The following PPP3CB variants were observed in gnomAD, a reference collection of about 807,000 sequenced individuals.
PPP3CB encodes serine/threonine-protein phosphatase 2B catalytic subunit beta isoform.
A neutral mutation model predicts 66.4 loss-of-function variants in PPP3CB; 8 were observed. The observed-to-expected ratio is 0.12, with a 90% CI of 0.07 to 0.22. The LOEUF (loss-of-function observed/expected upper bound fraction) is 0.22, where lower values mean the gene tolerates loss of function less well. Among genes scored for constraint, PPP3CB ranks in the 10% least tolerant of loss-of-function variants. The pLI, the probability that PPP3CB is intolerant of heterozygous loss-of-function variation, is 1.00. For missense variants in PPP3CB, 319 were observed against 642.5 expected (o/e 0.50, Z 5.44); for synonymous variants, 208 against 221.2 (o/e 0.94, Z 0.53).
chr10:73,472,887 C>T (rs2056726320), intron 4 of PPP3CB, among the ~76,000 whole-genome samples: 1 of 152,080 alleles, frequency 6.6e-6, no homozygotes, highest in African/African-American at 2.4e-5. Context: ...TTCATTTGCT[C>T]CTTTACAACT....
Position 73,483,105 on chromosome 10 carries a change from CTATAA to C in PPP3CB, c.86-3593_86-3589del, listed in dbSNP as rs1405794093. On this transcript the variant is annotated intron_variant, in intron 1 of 13. Transcript: ENST00000360663. ...CTCTACTTCAAGTCACACTGAAGAACTATAATGTATTCACCTGAAAAAGAAAGTAT... is the reference window on the plus strand; with the variant it reads ...CTCTACTTCAAGTCACACTGAAGAACTGTATTCACCTGAAAAAGAAAGTAT... Among the ~76,000 whole-genome samples the C allele has an allele frequency of 7.9e-5, 12 of 152,330 alleles. No homozygotes were observed. In the East Asian group the frequency reaches 1.9e-3, roughly 24 times the overall value.
At chr10:73,486,306 T>G (rs1011701381) in intron 1 of PPP3CB, among the ~76,000 whole-genome samples, 13 of 147,776 alleles carry the variant, frequency 8.8e-5, no homozygotes, top group Non-Finnish European at 1.3e-4. Context: ...TTTTTTTTTT[T>G]TTTTTTTTTT....
chr10:73,485,908 TTGTGTGTGTGTGTGTGTGTG>T (rs57190155), intron 1 of PPP3CB, among the ~76,000 whole-genome samples: 4 of 121,290 alleles, frequency 3.3e-5, no homozygotes, highest in Non-Finnish European at 5.0e-5. Context: ...ACCTGGCTAA[TTGTGTGTGTGTGTGTGTGTG>T]TGTGTGTGTG....
intron 1 of PPP3CB, among the ~76,000 whole-genome samples, chr10:73,492,010 ATCC>A (rs1463854671): frequency 6.6e-6 from 1 of 152,096 alleles, no homozygotes; most frequent in East Asian, 1.9e-4. Flanking sequence ...ACAAAAAGTA[ATCC>A]TCCTAAAGGA....
rs114227136 is a variant in PPP3CB at position 73,448,602 on chromosome 10, T to C, written c.1187-2029A>G. On this transcript the variant is annotated intron_variant, in intron 10 of 13. Coordinates refer to ENST00000360663, the MANE Select transcript of PPP3CB (RefSeq NM_021132.4). ...TACTCAATGAATGTGCTAACTTACA[T>C]GGACATGAAGATAACTTATGAAGTC... 693 of 532,186 alleles carry C rather than the reference T, an allele frequency of 1.3e-3. 5 individuals carry two copies. The highest frequency in any genetic ancestry group is 0.013 in the African/African-American group (661 of 52,080). 33.0% of individuals were successfully genotyped at this position (532,186 alleles called of 1,614,324 possible).
chr10:73,470,916 A>T lies in PPP3CB; in HGVS notation c.858T>A (p.Ile286=). 1 of 1,613,528 alleles carries T rather than the reference A, an allele frequency of 6.2e-7. No individual in the cohort carries two copies. ...EFLQNNNLLS[I]IRAHEAQDAG... ...CATCTTGAGCTTCATGAGCTCTAAT[A>T]ATCGATAACAAATTATTGTTTTGCA... Residue 286 remains isoleucine (I), a synonymous_variant, in exon 7 of 14, where the codon ATT becomes ATA. Coordinates refer to ENST00000360663, the MANE Select transcript of PPP3CB (RefSeq NM_021132.4).
chr10:73,442,094 A>G (rs1386635053), intron 12 of PPP3CB, among the ~76,000 whole-genome samples: 1 of 152,156 alleles, frequency 6.6e-6, no homozygotes. Context: ...TTCAAAGTGG[A>G]TTTATCTTAT....
intron 1 of PPP3CB, among the ~76,000 whole-genome samples, chr10:73,489,451 T>C (rs906533884): frequency 1.5e-5 from 2 of 136,630 alleles, no homozygotes; most frequent in African/African-American, 6.0e-5. Context: ...TTACCATTGG[T>C]TGAGTACTTA....
chr10:73,451,663 G>C (rs1217986297), intron 10 of PPP3CB, among the ~76,000 whole-genome samples: 2 of 151,746 alleles, frequency 1.3e-5, no homozygotes, highest in African/African-American at 4.8e-5. Context: ...AGCGCTTTTT[G>C]AGAGGCTGAG....
intron 5 of PPP3CB, 65 bp downstream of exon 5, chr10:73,471,402 AC>A: frequency 6.7e-7 from 1 of 1,488,060 alleles, no homozygotes. Context: ...GAAGTTTGAA[AC>A]TTCTGCTCTA....
At chr10:73,492,443 A>G (rs1199797416) in intron 1 of PPP3CB, among the ~76,000 whole-genome samples, 1 of 152,232 alleles carries the variant, frequency 6.6e-6, no homozygotes, top group Non-Finnish European at 1.5e-5. Flanking sequence ...CAGGTCAAGT[A>G]AACTTTGTGG....
At chr10:73,445,646 G>A (rs1032416369) in intron 11 of PPP3CB, among the ~76,000 whole-genome samples, 1 of 151,342 alleles carries the variant, frequency 6.6e-6, no homozygotes, top group Non-Finnish European at 1.5e-5. Context: ...ATGGGGTTTC[G>A]CCATGTTTCC....
chr10:73,454,036 T>C (rs1041964003), intron 10 of PPP3CB, among the ~76,000 whole-genome samples: 1 of 152,184 alleles, frequency 6.6e-6, no homozygotes, highest in African/African-American at 2.4e-5. Context: ...AATTGGGAGT[T>C]CAGGTATGCT....
At chr10:73,464,269 C>T (rs531165840) in intron 9 of PPP3CB, among the ~76,000 whole-genome samples, 6 of 152,232 alleles carry the variant, frequency 3.9e-5, no homozygotes, top group South Asian at 2.1e-4. Flanking sequence ...TATAAAACTA[C>T]GCTTGTCTTG....
At chr10:73,489,851 T>C (rs1431646109) in intron 1 of PPP3CB, among the ~76,000 whole-genome samples, 2 of 152,190 alleles carry the variant, frequency 1.3e-5, no homozygotes, top group African/African-American at 4.8e-5. Flanking sequence ...CTGCTTCTGT[T>C]ACACCTACTC....
intron 12 of PPP3CB, among the ~76,000 whole-genome samples, chr10:73,442,106 C>G (rs1221883832): frequency 6.6e-6 from 1 of 152,060 alleles, no homozygotes. Flanking sequence ...TTATCTTATG[C>G]TAGGAAAATA....
chr10:73,451,579 GAGA>G (rs2056344427), intron 10 of PPP3CB, among the ~76,000 whole-genome samples: 3 of 148,662 alleles, frequency 2.0e-5, no homozygotes, highest in African/African-American at 7.8e-5. Flanking sequence ...AAGAAAGAAA[GAGA>G]AAGGAAGAAG....
At chr10:73,455,823 G>A (rs996674802) in intron 9 of PPP3CB, among the ~76,000 whole-genome samples, 4 of 152,258 alleles carry the variant, frequency 2.6e-5, no homozygotes, top group Admixed American at 6.5e-5. Context: ...GCCCACCTTG[G>A]CCTCCCAAAG....
chr10:73,477,398 G>C (rs1199609651), intron 3 of PPP3CB, among the ~76,000 whole-genome samples: 1 of 151,986 alleles, frequency 6.6e-6, no homozygotes, highest in Non-Finnish European at 1.5e-5. Flanking sequence ...CTAACACAAG[G>C]AATTAATTAA....
Sources: gnomAD v4.1 joint callset for allele counts (sites outside exome capture counted in the v4.1 genomes callset) on GRCh38, gnomAD v4.1.1 for gene constraint, MANE v1.5 for transcripts, NCBI Gene and HGNC (gene_info 2026-07-23, HGNC 2026-07-21) for gene names.